The following UNC5C variants were observed in gnomAD, a reference collection of about 807,000 sequenced individuals.
UNC5C encodes unc-5 netrin receptor C.
Under a neutral mutation model 99.8 loss-of-function variants are expected in UNC5C, and 47 were observed. The ratio of observed to expected loss-of-function variants is 0.47; its 90% CI spans 0.37 to 0.60. UNC5C has a LOEUF of 0.60. Among genes scored for constraint, UNC5C ranks in the 20% least tolerant of loss-of-function variants. UNC5C has a pLI of 0.00. For missense variants in UNC5C, 1,062 were observed against 1,165.9 expected, an observed-to-expected ratio of 0.91 and a Z score of 1.30; for synonymous variants, 487 against 452.2, an observed-to-expected ratio of 1.08 and a Z score of -0.98.
intron 4 of UNC5C, 38 bp from the exon 5 acceptor site, chr4:95,250,705 T>A: frequency 6.3e-7 from 1 of 1,596,454 alleles, no homozygotes; most frequent in Non-Finnish European, 8.6e-7. Context: ...ATCCTCAGCA[T>A]GGATCCCCTG....
At chr4:95,267,949 A>AAT (rs959480166) in intron 4 of UNC5C, among the ~76,000 whole-genome samples, 1,434 of 117,568 alleles carry the variant, frequency 0.012, 44 homozygotes, top group African/African-American at 0.045. Context: ...GAATTTTGTG[A>AAT]TTTTTTTTTT....
intron 2 of UNC5C, among the ~76,000 whole-genome samples, chr4:95,306,487 C>A (rs1579311967): frequency 6.6e-6 from 1 of 152,132 alleles, no homozygotes; most frequent in African/African-American, 2.4e-5. Context: ...CAGGCATGAG[C>A]CACCACGCCT....
chr4:95,243,110 A>C (rs1739384834), intron 6 of UNC5C, among the ~76,000 whole-genome samples: 1 of 152,106 alleles, frequency 6.6e-6, no homozygotes, highest in Non-Finnish European at 1.5e-5. Flanking sequence ...TTTCAACTGC[A>C]TTTTATATAG....
intron 1 of UNC5C, among the ~76,000 whole-genome samples, chr4:95,512,353 CG>C (rs1394224183): frequency 1.3e-5 from 2 of 152,118 alleles, no homozygotes; most frequent in African/African-American, 4.8e-5. Flanking sequence ...TACAGATCAT[CG>C]GGATTTTTAC....
chr4:95,250,085 C>A (rs1430094028), intron 5 of UNC5C, among the ~76,000 whole-genome samples: 1 of 152,086 alleles, frequency 6.6e-6, no homozygotes, highest in African/African-American at 2.4e-5. Flanking sequence ...CTCAGGTAGG[C>A]TTCCTTCGCT....
chr4:95,324,678 T>G (rs1742825103), intron 2 of UNC5C, among the ~76,000 whole-genome samples: 1 of 152,082 alleles, frequency 6.6e-6, no homozygotes, highest in Non-Finnish European at 1.5e-5. Flanking sequence ...CTCTGGAAGG[T>G]GACTAGGCCA....
At chr4:95,502,469 G>T (rs920346146) in intron 1 of UNC5C, among the ~76,000 whole-genome samples, 1 of 152,048 alleles carries the variant, frequency 6.6e-6, no homozygotes. Flanking sequence ...ATGTGGTCTT[G>T]CTTTGTTGCC....
chr4:95,366,212 C>T (rs1482552177), intron 1 of UNC5C, among the ~76,000 whole-genome samples: 1 of 152,028 alleles, frequency 6.6e-6, no homozygotes, highest in Non-Finnish European at 1.5e-5. Context: ...ACCTGTAGTC[C>T]CAGCTACTCA....
intron 1 of UNC5C, among the ~76,000 whole-genome samples, chr4:95,351,305 G>A (rs1407789037): frequency 6.7e-6 from 1 of 149,630 alleles, no homozygotes; most frequent in Non-Finnish European, 1.5e-5. Context: ...TCAGGGTCAG[G>A]CAGTAAACCT....
At chr4:95,312,008 T>C (rs1006353015) in intron 2 of UNC5C, among the ~76,000 whole-genome samples, 1 of 151,250 alleles carries the variant, frequency 6.6e-6, no homozygotes, top group Non-Finnish European at 1.5e-5. Flanking sequence ...GATTGCACCA[T>C]TGCACTCTAG....
At chr4:95,545,137 G>T (rs910630826) in intron 1 of UNC5C, among the ~76,000 whole-genome samples, 3 of 152,114 alleles carry the variant, frequency 2.0e-5, no homozygotes, top group Non-Finnish European at 4.4e-5. Context: ...TTCTGACTAG[G>T]ACAACCAGCT....
intron 11 of UNC5C, among the ~76,000 whole-genome samples, chr4:95,205,050 G>C (rs77000742): frequency 1.3e-5 from 2 of 152,270 alleles, no homozygotes; most frequent in Non-Finnish European, 2.9e-5. Flanking sequence ...ACAAAGGAAA[G>C]CCTCCGGTAT....
At chr4:95,184,606 C>T (rs1233159616) in intron 13 of UNC5C, among the ~76,000 whole-genome samples, 1 of 152,140 alleles carries the variant, frequency 6.6e-6, no homozygotes. Flanking sequence ...TTTACTTTTA[C>T]ATGCTATTTC....
intron 1 of UNC5C, among the ~76,000 whole-genome samples, chr4:95,471,816 G>C (rs942366301): frequency 1.3e-5 from 2 of 151,604 alleles, no homozygotes; most frequent in African/African-American, 4.8e-5. Flanking sequence ...CTTTACGCCT[G>C]TATGCATTTT....
In UNC5C at chr4:95,256,150, G is replaced by C. The variant is rs1396620814; in HGVS notation, c.595-5483C>G. Among the ~76,000 whole-genome samples, 3 of 151,990 alleles carry C rather than the reference G, an allele frequency of 2.0e-5. No individual in the cohort carries two copies. The East Asian group carries it at 5.8e-4, about 29-fold the overall frequency. On this transcript the variant is annotated intron_variant, in intron 4 of 15. Transcript: ENST00000453304. ...TTGTGTCCCTGTGGCTCGGTCCTTG[G>C]AATTCTGCTGCTTTCTATTTTCTAT...
At chr4:95,440,385 T>A (rs2149463336) in intron 1 of UNC5C, among the ~76,000 whole-genome samples, 1 of 152,232 alleles carries the variant, frequency 6.6e-6, no homozygotes, top group Non-Finnish European at 1.5e-5. Context: ...TGTAAGAAAT[T>A]CAAACAAAAC....
intron 1 of UNC5C, among the ~76,000 whole-genome samples, chr4:95,459,822 T>C (rs1366629601): frequency 6.6e-6 from 1 of 152,192 alleles, no homozygotes; most frequent in Non-Finnish European, 1.5e-5. Flanking sequence ...ACTCATTTAT[T>C]ATGATAATAT....
chr4:95,179,132 C>T (rs1407476419), intron 14 of UNC5C, among the ~76,000 whole-genome samples: 8 of 152,096 alleles, frequency 5.3e-5, no homozygotes, highest in Non-Finnish European at 1.2e-4. Flanking sequence ...ATTAGTCAAA[C>T]AGCTGCTATG....
chr4:95,423,434 C>T (rs1402168744), intron 1 of UNC5C, among the ~76,000 whole-genome samples: 2 of 152,114 alleles, frequency 1.3e-5, no homozygotes, highest in African/African-American at 4.8e-5. Context: ...ATGTAAGTAA[C>T]GCCATGGAAT....
Sources: allele counts gnomAD v4.1 joint callset (sites outside exome capture counted in the v4.1 genomes callset), GRCh38; gene constraint gnomAD v4.1.1; transcripts MANE v1.5; gene names NCBI Gene and HGNC (gene_info 2026-07-23, HGNC 2026-07-21).